The following CXCL3 variants were observed in gnomAD, a reference collection of about 807,000 sequenced individuals.
CXCL3 encodes C-X-C motif chemokine 3.
In CXCL3, 10 loss-of-function variants were observed where a neutral mutation model predicts 11.5. The observed-to-expected ratio is 0.87, with a 90% CI of 0.54 to 1.48. The LOEUF (loss-of-function observed/expected upper bound fraction) is 1.48, where lower values mean the gene tolerates loss of function less well. Ranked by LOEUF, CXCL3 falls within the 40% of genes most tolerant of loss-of-function variation. The probability of loss-of-function intolerance (pLI) is 0.00; values close to 1 mark genes in which losing one functional copy is unlikely to be tolerated. For synonymous variants in CXCL3, 61 were observed against 60.9 expected (o/e 1.00, Z -0.01); for missense variants, 149 against 139.1 (o/e 1.07, Z -0.36).
Position 74,038,338 on chromosome 4 carries a change from CTT to C in CXCL3, c.174_175del (p.Ser59CysfsTer54). The C allele has an allele frequency of 6.2e-7, 1 of 1,614,178 alleles. No homozygotes were observed. Among genetic ancestry groups the C allele is most frequent in the Non-Finnish European group, 8.5e-7 (1 of 1,180,002 alleles). On this transcript the variant is annotated frameshift_variant, in exon 2 of 4. Transcript: ENST00000296026. LOFTEE classifies it high-confidence loss of function. ...GGGTCCGGGGGACCTTACATTCACACTTTGGATGTTCTTGAGGTGAATTCCCT... is the reference window on the plus strand; with the variant it reads ...GGGTCCGGGGGACCTTACATTCACACTGGATGTTCTTGAGGTGAATTCCCT...
chr4:74,038,093 T>C lies in CXCL3; in HGVS notation c.308A>G (p.Lys103Arg). ...VQKIIEKILN[K>R]GSTN is the part of the protein sequence containing the mutation. ...TGTGTATATGGAAATTACAACTCACTTGTTCAGTATCTTTTCGATGATTTT... is the reference window on the plus strand; with the variant it reads ...TGTGTATATGGAAATTACAACTCACCTGTTCAGTATCTTTTCGATGATTTT... The change falls in exon 3 of 4, where the codon AAG becomes AGG. Residue 103 changes from lysine (K) to arginine (R), a missense_variant and splice_region_variant. Lys to Arg is a conservative substitution (Grantham distance 26). Transcript: ENST00000296026. 2 of 1,614,086 alleles carry C rather than the reference T, an allele frequency of 1.2e-6. No individual in the cohort carries two copies. Among genetic ancestry groups the C allele is most frequent in the Non-Finnish European group, 1.7e-6 (2 of 1,179,944 alleles).
intron 3 of CXCL3, 126 bp from the exon 4 acceptor site, chr4:74,037,403 C>A: frequency 1.0e-6 from 1 of 972,368 alleles, no homozygotes; most frequent in Non-Finnish European, 1.5e-6. Flanking sequence ...GAAGGTCTGT[C>A]TGTACCCACT....
chr4:74,037,448 C>CT (rs3048371), intron 3 of CXCL3, 171 bp from the exon 4 acceptor site: 55,022 of 308,492 alleles, frequency 0.18, 333 homozygotes, highest in South Asian at 0.25. Flanking sequence ...CTCCTGAATG[C>CT]TTTTTTTTTT....
chr4:74,038,205 A>C, intron 2 of CXCL3, 29 bp from the exon 3 acceptor site: 1 of 1,613,972 alleles, frequency 6.2e-7, no homozygotes, highest in Non-Finnish European at 8.5e-7. Flanking sequence ...TCCGTGAGAC[A>C]GGAGGTCGGG....
At chr4:74,037,431 A>G in intron 3 of CXCL3, 154 bp from the exon 4 acceptor site, 1 of 556,678 alleles carries the variant, frequency 1.8e-6, no homozygotes, top group South Asian at 2.6e-5. Context: ...ATAGCAGAAA[A>G]CTTGCACTCC....
intron 3 of CXCL3, 122 bp from the exon 4 acceptor site, chr4:74,037,399 C>A: frequency 9.2e-7 from 1 of 1,085,650 alleles, no homozygotes; most frequent in South Asian, 1.3e-5. Context: ...CAGGGAAGGT[C>A]TGTCTGTACC....
chr4:74,037,115 C>T lies in CXCL3; in HGVS notation c.*147G>A, dbSNP rs200886112. 8.3e-6 allele frequency: 6 copies of T among 726,490 alleles called. No individual in the cohort carries two copies. Among genetic ancestry groups the T allele is most frequent in the East Asian group, 2.6e-5 (1 of 38,364 alleles). 45.0% of individuals were successfully genotyped at this position (726,490 alleles called of 1,614,324 possible). A position where few individuals can be genotyped will look rare whatever the true frequency, so the allele number is the denominator to read the frequency against. ...TAAATACATAAATAAGTAGAACCCT[C>T]GTAAGAAATAGTCAAACACATTAAG... On this transcript the variant is annotated 3_prime_UTR_variant, in exon 4 of 4. Transcript: ENST00000296026.
At position 74,037,127 on chromosome 4, in the gene CXCL3, T is replaced by A. The variant is rs528751164; in HGVS notation, c.*135A>T. ...TAAGTAGAACCCTCGTAAGAAATAG[T>A]CAAACACATTAAGTCCTTTCCAGCT... is the stretch of plus-strand genomic sequence containing the variant. On this transcript the variant is annotated 3_prime_UTR_variant, in exon 4 of 4. Transcript: ENST00000296026. 2.4e-6 allele frequency: 2 copies of A among 849,854 alleles called. No homozygotes were observed. Among genetic ancestry groups the A allele is most frequent in the East Asian group, 5.0e-5 (2 of 40,208 alleles). 52.6% of individuals were successfully genotyped at this position (849,854 alleles called of 1,614,324 possible).
chr4:74,038,618 C>T lies in CXCL3; in HGVS notation c.-7G>A, dbSNP rs1292301850. On this transcript the variant is annotated 5_prime_UTR_variant, in exon 1 of 4. Coordinates refer to ENST00000296026, the MANE Select transcript of CXCL3 (RefSeq NM_002090.3). The stretch of plus-strand genomic sequence containing the variant: ...AGAGCGTGGCGTGGGCCATGGGGCT[C>T]AGCAGACGCGTCGGGAAGCTGTGCG... The T allele has an allele frequency of 1.4e-6, 2 of 1,444,456 alleles. No homozygotes were observed. Among genetic ancestry groups the T allele is most frequent in the South Asian group, 2.9e-5 (2 of 69,796 alleles). The allele number at this position is 1,444,456 out of a possible 1,614,324, so 89.5% of individuals were successfully genotyped here.
intron 3 of CXCL3, chr4:74,037,881 C>G (rs895702116): frequency 7.1e-5 from 40 of 566,724 alleles, no homozygotes; most frequent in Non-Finnish European, 4.6e-5. Context: ...GGGGTTAGGC[C>G]TGGAAATGGA....
chr4:74,037,507 A>G (rs987735974), intron 3 of CXCL3: 1 of 539,670 alleles, frequency 1.9e-6, no homozygotes, highest in African/African-American at 1.9e-5. Context: ...CTTGGTTTGA[A>G]AAAGCCAAAA....
At chr4:74,037,600 C>T (rs554977122) in intron 3 of CXCL3, 3 of 346,462 alleles carry the variant, frequency 8.7e-6, no homozygotes, top group Admixed American at 4.6e-5. Context: ...TATGAAATAA[C>T]TACCATTATC....
intron 3 of CXCL3, 105 bp downstream of exon 3, chr4:74,037,988 C>A: frequency 8.6e-7 from 1 of 1,156,176 alleles, no homozygotes; most frequent in Non-Finnish European, 1.3e-6. Flanking sequence ...ATTTCTAGTC[C>A]TTCAGCTAAC....
In CXCL3 at chr4:74,038,344, A is replaced by G. The variant is rs1720044333; in HGVS notation, c.170T>C (p.Ile57Thr). 3 of 1,614,032 alleles carry G rather than the reference A, an allele frequency of 1.9e-6. No individual in the cohort carries two copies. The highest frequency in any genetic ancestry group is 2.7e-5 in the African/African-American group (2 of 75,004). The change falls in exon 2 of 4, where the codon ATC (isoleucine) becomes ACC (threonine). Residue 57 changes from isoleucine (I) to threonine (T), a missense_variant. By Grantham distance (89) the Ile-to-Thr change is moderately conservative. Coordinates refer to ENST00000296026, the MANE Select transcript of CXCL3 (RefSeq NM_002090.3). ...QTLQGIHLKN[I>T]QSVNVRSPGP... ...GGGGGACCTTACATTCACACTTTGG[A>G]TGTTCTTGAGGTGAATTCCCTGCAG...
At position 74,038,168 on chromosome 4, in the gene CXCL3, A is replaced by T; in HGVS notation, c.233T>A (p.Leu78His). ...HCAQTEVIAT[L>H]KNGKKACLNP... ...GAGACAAGCTTTCTTCCCATTCTTG[A>T]GTGTGGCTCTGCAGAGAGAAGGGAA... The change falls in exon 3 of 4, where the codon CTC (leucine) becomes CAC (histidine). Residue 78 changes from leucine (L) to histidine (H), a missense_variant. By Grantham distance (99) the Leu-to-His change is moderately conservative. Coordinates refer to ENST00000296026, the MANE Select transcript of CXCL3 (RefSeq NM_002090.3). The T allele has an allele frequency of 6.2e-7, 1 of 1,613,914 alleles. No individual in the cohort carries two copies.
At chr4:74,037,614 C>A (rs1198011665) in intron 3 of CXCL3, 2 of 327,614 alleles carry the variant, frequency 6.1e-6, no homozygotes, top group South Asian at 4.0e-5. Flanking sequence ...CATTATCTAC[C>A]CTATTTTGCT....
In CXCL3 at chr4:74,036,755, T is replaced by C. The variant is rs1720000077; in HGVS notation, c.*507A>G. 1 of 152,710 alleles carries C rather than the reference T, an allele frequency of 6.5e-6. No individual in the cohort carries two copies. The highest frequency in any genetic ancestry group is 2.1e-4 in the South Asian group (1 of 4,842). 9.5% of individuals were successfully genotyped at this position (152,710 alleles called of 1,614,324 possible). On this transcript the variant is annotated 3_prime_UTR_variant, in exon 4 of 4. Transcript: ENST00000296026. ...TCTAAGGGAAACTTCAGCATAAAAATGTTGAACACATAATGTGAGATAATT... is the reference window on the plus strand; with the variant it reads ...TCTAAGGGAAACTTCAGCATAAAAACGTTGAACACATAATGTGAGATAATT...
At chr4:74,037,324 T>C in intron 3 of CXCL3, 47 bp from the exon 4 acceptor site, 2 of 1,613,174 alleles carry the variant, frequency 1.2e-6, no homozygotes, top group Non-Finnish European at 1.7e-6. Flanking sequence ...GGAAGGCTGC[T>C]CTTCTGTCAC....
At position 74,037,263 on chromosome 4, in the gene CXCL3, C is replaced by T. The variant is rs547742552; in HGVS notation, c.323G>A (p.Ter108=). 4 of 1,614,008 alleles carry T rather than the reference C, an allele frequency of 2.5e-6. No individual in the cohort carries two copies. The African/African-American group carries it at 5.3e-5, about 22-fold the overall frequency. Residue 108 remains the stop codon, a stop_retained_variant, in exon 4 of 4, where the codon TGA becomes TAA. Coordinates refer to ENST00000296026, the MANE Select transcript of CXCL3 (RefSeq NM_002090.3). ...GATAAGCTTCTTACTTCTCTCCTGT[C>T]AGTTGGTGCTCCCCCTGTGATGAGA... The part of the protein sequence containing the change: ...EKILNKGSTN[*]
Sources: gnomAD v4.1 joint callset for allele counts on GRCh38, gnomAD v4.1.1 for gene constraint, MANE v1.5 for transcripts, NCBI Gene and HGNC (gene_info 2026-07-23, HGNC 2026-07-21) for gene names.